The following DLG2 variants were observed in gnomAD, a reference collection of about 807,000 sequenced individuals.
The protein encoded by DLG2 is discs large MAGUK scaffold protein 2.
Under a neutral mutation model 132.5 loss-of-function variants are expected in DLG2, and 45 were observed. The ratio of observed to expected loss-of-function variants is 0.34; its 90% CI spans 0.27 to 0.44. DLG2 has a LOEUF of 0.44. DLG2 is among the 20% of genes least tolerant of loss of function. The probability of loss-of-function intolerance (pLI) is 1.00; values close to 1 mark genes in which losing one functional copy is unlikely to be tolerated. For synonymous variants in DLG2, 424 were observed against 419.6 expected (o/e 1.01, Z -0.13); for missense variants, 1,045 against 1,196.9 (o/e 0.87, Z 1.87).
At chr11:84,616,278 T>C (rs2099604310) in intron 6 of DLG2, among the ~76,000 whole-genome samples, 1 of 152,142 alleles carries the variant, frequency 6.6e-6, no homozygotes, top group Non-Finnish European at 1.5e-5. Flanking sequence ...TTTGAGCATT[T>C]ACTTTCCAAT....
At chr11:84,178,108 T>C (rs1276366191) in intron 8 of DLG2, among the ~76,000 whole-genome samples, 1 of 152,100 alleles carries the variant, frequency 6.6e-6, no homozygotes, top group African/African-American at 2.4e-5. Flanking sequence ...CAAAATTCTG[T>C]GGGTACAGTA....
chr11:83,869,709 A>T (rs1720351188), intron 16 of DLG2, among the ~76,000 whole-genome samples: 1 of 152,202 alleles, frequency 6.6e-6, no homozygotes, highest in South Asian at 2.1e-4. Context: ...GGTTAGTTAG[A>T]CAAACTATTT....
intron 7 of DLG2, among the ~76,000 whole-genome samples, chr11:84,467,916 C>A (rs1435976961): frequency 6.6e-6 from 1 of 151,436 alleles, no homozygotes; most frequent in Non-Finnish European, 1.5e-5. Flanking sequence ...AGATAGATAA[C>A]ACATATTTGG....
chr11:84,619,197 C>T (rs6592192), intron 6 of DLG2, among the ~76,000 whole-genome samples: 69,644 of 151,442 alleles, frequency 0.46, 18,046 homozygotes, highest in African/African-American at 0.71. Context: ...ATTATTAAAT[C>T]AGAAATTAAT....
chr11:84,440,108 AC>A (rs1471312310), intron 7 of DLG2, among the ~76,000 whole-genome samples: 1 of 152,140 alleles, frequency 6.6e-6, no homozygotes, highest in Admixed American at 6.5e-5. Flanking sequence ...ACCTTTAGTG[AC>A]CTTTTTTACA....
intron 6 of DLG2, among the ~76,000 whole-genome samples, chr11:84,994,385 T>G (rs1222546891): frequency 2.0e-5 from 3 of 152,084 alleles, no homozygotes; most frequent in African/African-American, 7.2e-5. Flanking sequence ...GGGAAAATGG[T>G]GCTACATACA....
At chr11:83,630,246 A>T (rs1389467248) in intron 19 of DLG2, among the ~76,000 whole-genome samples, 11 of 152,096 alleles carry the variant, frequency 7.2e-5, no homozygotes, top group Admixed American at 7.2e-4. Flanking sequence ...TCTAGTGGGG[A>T]AATGAAGGCA....
intron 3 of DLG2, among the ~76,000 whole-genome samples, chr11:85,438,649 T>C (rs545916336): frequency 6.6e-6 from 1 of 152,328 alleles, no homozygotes; most frequent in East Asian, 1.9e-4. Context: ...ATATCACTCA[T>C]ATTTCCCATT....
chr11:85,534,050 C>T (rs2075401282), intron 3 of DLG2, among the ~76,000 whole-genome samples: 2 of 152,148 alleles, frequency 1.3e-5, no homozygotes, highest in African/African-American at 4.8e-5. Flanking sequence ...TGCAATGGCG[C>T]TATCCCAGCT....
rs768832245 is a variant in DLG2, at chr11:83,894,178, T to C, written c.1497-19690A>G. ...TCTTGTAACCACCCACATTCTGTTA[T>C]AGGACATTTCTGTATCTACTGAAAT... On this transcript the variant is annotated intron_variant, in intron 15 of 27. Transcript: ENST00000376104. Among the ~76,000 whole-genome samples, 43 of 152,340 alleles carry C rather than the reference T, an allele frequency of 2.8e-4. 1 individual carries two copies. Among genetic ancestry groups the C allele is most frequent in the Non-Finnish European group, 3.4e-4 (23 of 68,038 alleles).
chr11:84,897,492 A>G (rs1488078714), intron 6 of DLG2, among the ~76,000 whole-genome samples: 1 of 151,908 alleles, frequency 6.6e-6, no homozygotes, highest in Non-Finnish European at 1.5e-5. Context: ...AGATTAAAAT[A>G]ATATTTATAC....
At chr11:84,967,011 G>C (rs1281866621) in intron 6 of DLG2, among the ~76,000 whole-genome samples, 2 of 152,026 alleles carry the variant, frequency 1.3e-5, no homozygotes, top group African/African-American at 4.8e-5. Flanking sequence ...GTGATGGCTG[G>C]ACCTACTGAG....
At chr11:85,188,840 A>G (rs2080314913) in intron 4 of DLG2, among the ~76,000 whole-genome samples, 1 of 152,156 alleles carries the variant, frequency 6.6e-6, no homozygotes, top group African/African-American at 2.4e-5. Context: ...AAAAATTAAC[A>G]GAGCCTTGGA....
At chr11:83,952,128 T>C (rs1226294651) in intron 14 of DLG2, among the ~76,000 whole-genome samples, 1 of 152,106 alleles carries the variant, frequency 6.6e-6, no homozygotes, top group African/African-American at 2.4e-5. Context: ...GGGGGATCAC[T>C]TGAGCTTGGG....
At chr11:84,835,697 G>A (rs779022956) in intron 6 of DLG2, among the ~76,000 whole-genome samples, 5 of 151,494 alleles carry the variant, frequency 3.3e-5, no homozygotes, top group Non-Finnish European at 7.4e-5. Context: ...ATATTTTTAC[G>A]AATGAAAACT....
chr11:84,444,032 G>A (rs1398124685), intron 7 of DLG2, among the ~76,000 whole-genome samples: 3 of 147,162 alleles, frequency 2.0e-5, no homozygotes, highest in Non-Finnish European at 4.5e-5. Context: ...TTAATTTACA[G>A]TGAAAGGAAC....
intron 3 of DLG2, among the ~76,000 whole-genome samples, chr11:85,422,312 G>T (rs951955553): frequency 6.6e-6 from 1 of 152,018 alleles, no homozygotes; most frequent in Non-Finnish European, 1.5e-5. Context: ...TCTTCCTCAG[G>T]AACTCAGATT....
chr11:85,405,705 A>C (rs2088661327), intron 3 of DLG2, among the ~76,000 whole-genome samples: 1 of 151,986 alleles, frequency 6.6e-6, no homozygotes, highest in Admixed American at 6.6e-5. Flanking sequence ...AAAGCTAATC[A>C]CTGACAGTAG....
chr11:85,088,888 T>A (rs1370146398), intron 6 of DLG2, among the ~76,000 whole-genome samples: 1 of 152,228 alleles, frequency 6.6e-6, no homozygotes. Context: ...TATGTCCTTG[T>A]CAGCATGGTT....
Sources: gnomAD v4.1 joint callset for allele counts (sites outside exome capture counted in the v4.1 genomes callset) on GRCh38, gnomAD v4.1.1 for gene constraint, MANE v1.5 for transcripts, NCBI Gene and HGNC (gene_info 2026-07-23, HGNC 2026-07-21) for gene names.